The following SCUBE1 variants were observed in gnomAD, a reference collection of about 807,000 sequenced individuals.
The protein encoded by SCUBE1 is signal peptide, CUB domain and EGF like domain containing 1, also known as signal peptide, CUB and EGF-like domain-containing protein 1.
Under a neutral mutation model 124.4 loss-of-function variants are expected in SCUBE1, and 59 were observed. The observed-to-expected ratio is 0.47, with a 90% CI of 0.38 to 0.59. The LOEUF (loss-of-function observed/expected upper bound fraction) is 0.59. Among genes scored for constraint, SCUBE1 ranks in the 20% least tolerant of loss-of-function variants. The probability of loss-of-function intolerance (pLI) is 0.00; values close to 1 mark genes in which losing one functional copy is unlikely to be tolerated. For missense variants in SCUBE1, 1,150 were observed against 1,371.2 expected, an observed-to-expected ratio of 0.84 and a Z score of 2.55; for synonymous variants, 545 against 550.9, an observed-to-expected ratio of 0.99 and a Z score of 0.15.
At chr22:43,212,208 T>TC (rs536780906) in intron 17 of SCUBE1, among the ~76,000 whole-genome samples, 355 of 152,178 alleles carry the variant, frequency 2.3e-3, no homozygotes, top group African/African-American at 8.2e-3. Flanking sequence ...GAGCTGCTGT[T>TC]CCCCCTGGAG....
intron 19 of SCUBE1, 51 bp downstream of exon 19, chr22:43,209,992 G>C (rs769215188): frequency 2.6e-6 from 4 of 1,528,254 alleles, no homozygotes; most frequent in Non-Finnish European, 3.5e-6. Context: ...AGCGAGACGG[G>C]GGTGCACACG....
chr22:43,244,614 G>T (rs919998090), intron 6 of SCUBE1, among the ~76,000 whole-genome samples: 1 of 152,206 alleles, frequency 6.6e-6, no homozygotes, highest in Non-Finnish European at 1.5e-5. Flanking sequence ...GGGCACAAGG[G>T]CGCTCTGTGG....
intron 4 of SCUBE1, among the ~76,000 whole-genome samples, chr22:43,277,823 C>T (rs971626048): frequency 2.6e-5 from 4 of 152,240 alleles, no homozygotes; most frequent in Admixed American, 6.5e-5. Context: ...TTTTAATTCT[C>T]GTAAACAATT....
intron 2 of SCUBE1, among the ~76,000 whole-genome samples, chr22:43,329,807 G>A (rs1926847083): frequency 6.6e-6 from 1 of 152,212 alleles, no homozygotes; most frequent in South Asian, 2.1e-4. Flanking sequence ...CTTTAGGGAA[G>A]GCCATCATCC....
chr22:43,220,987 T>G (rs1922066389), intron 13 of SCUBE1, among the ~76,000 whole-genome samples, 186 bp downstream of exon 13: 1 of 152,136 alleles, frequency 6.6e-6, no homozygotes, highest in Non-Finnish European at 1.5e-5. Context: ...CGTACCAAGC[T>G]TGCCCTCCGC....
chr22:43,218,197 G>A lies in SCUBE1; in HGVS notation c.1891+58C>T, dbSNP rs56210050. On this transcript the variant is annotated intron_variant, in intron 15 of 21. Transcript: ENST00000360835. ...CTGCGTGCCCACCACTGTTTACCCC[G>A]GCTCATGTGCAAGGAAGGACAGAGT... The A allele has an allele frequency of 4.4e-5, 68 of 1,554,098 alleles. No homozygotes were observed. In the Middle Eastern group the frequency reaches 8.1e-4, roughly 19 times the overall value.
At chr22:43,212,721 GT>G in intron 16 of SCUBE1, 129 bp from the exon 17 acceptor site, 1 of 926,526 alleles carries the variant, frequency 1.1e-6, no homozygotes. Context: ...GAGGCCTGGG[GT>G]GGGGACGGGG....
At chr22:43,290,887 T>C (rs544671983) in intron 4 of SCUBE1, among the ~76,000 whole-genome samples, 159 bp downstream of exon 4, 17 of 152,194 alleles carry the variant, frequency 1.1e-4, no homozygotes, top group Non-Finnish European at 2.5e-4. Context: ...AGGAGGCCCA[T>C]GCAGAACCAA....
chr22:43,221,774 T>C (rs1922100624), intron 12 of SCUBE1, among the ~76,000 whole-genome samples: 1 of 152,054 alleles, frequency 6.6e-6, no homozygotes, highest in Admixed American at 6.6e-5. Context: ...ATTAAATATA[T>C]AGAAATGGGC....
chr22:43,290,255 G>A (rs917733270), intron 4 of SCUBE1, among the ~76,000 whole-genome samples: 7 of 152,072 alleles, frequency 4.6e-5, no homozygotes, highest in Non-Finnish European at 1.0e-4. Flanking sequence ...CCAAGCACAT[G>A]TGTCCTGGCC....
chr22:43,232,749 T>C (rs766460033), intron 7 of SCUBE1, among the ~76,000 whole-genome samples: 9 of 152,244 alleles, frequency 5.9e-5, no homozygotes, highest in Non-Finnish European at 1.0e-4. Flanking sequence ...CCTCCCAGCA[T>C]GGCCTGCTGG....
chr22:43,322,999 T>C (rs933342064), intron 2 of SCUBE1, among the ~76,000 whole-genome samples: 1 of 152,190 alleles, frequency 6.6e-6, no homozygotes, highest in Non-Finnish European at 1.5e-5. Flanking sequence ...CAGGGTCACA[T>C]AGTAAGTGGT....
At chr22:43,307,500 C>A (rs910206982) in intron 3 of SCUBE1, among the ~76,000 whole-genome samples, 1 of 152,182 alleles carries the variant, frequency 6.6e-6, no homozygotes, top group Non-Finnish European at 1.5e-5. Flanking sequence ...AAGGAGGACA[C>A]GGAAAAGAGC....
At chr22:43,317,202 A>G (rs1405652995) in intron 3 of SCUBE1, 1 of 152,300 alleles carries the variant, frequency 6.6e-6, no homozygotes, top group African/African-American at 2.4e-5. Flanking sequence ...AAAGCAAACA[A>G]TCTAAATGTC....
At chr22:43,281,888 G>A (rs114484734) in intron 4 of SCUBE1, 1,810 of 152,668 alleles carry the variant, frequency 0.012, 38 homozygotes, top group African/African-American at 0.041. Flanking sequence ...TCTGAGTTCC[G>A]CCAGCTTTGG....
At chr22:43,278,448 A>G (rs1924623498) in intron 4 of SCUBE1, among the ~76,000 whole-genome samples, 1 of 152,110 alleles carries the variant, frequency 6.6e-6, no homozygotes, top group Admixed American at 6.5e-5. Flanking sequence ...CACAGTTGAT[A>G]ATGGAAAGCC....
intron 4 of SCUBE1, 60 bp downstream of exon 4, chr22:43,290,986 G>A (rs1427821661): frequency 2.0e-6 from 3 of 1,493,402 alleles, no homozygotes; most frequent in African/African-American, 1.4e-5. Context: ...TGGAGAAGGG[G>A]ACTCTGGGGG....
Position 43,210,063 on chromosome 22 carries a change from A to C in SCUBE1, c.2561T>G (p.Val854Gly). ...CATACCACTCTTCCTCATGACCAGAACATCGCCGCACTCATCCTCGATGGG... is the reference window on the plus strand; with the variant it reads ...CATACCACTCTTCCTCATGACCAGACCATCGCCGCACTCATCCTCGATGGG... ...FLPIEDECGD[V>G]LVMRKSASPT... The change falls in exon 19 of 22, where the codon GTT becomes GGT. Residue 854 changes from valine to glycine, a missense_variant. By Grantham distance (109) the Val-to-Gly change is moderately radical. This residue lies in a region of SCUBE1 where 757 missense variants were observed against 840.9 expected (regional missense o/e 0.90). Coordinates refer to ENST00000360835, the MANE Select transcript of SCUBE1 (RefSeq NM_173050.5). This position sits in a 1 kb window ranked among gnomAD's most constrained non-coding sequence, Gnocchi z 4.5. 1 of 1,609,806 alleles carries C rather than the reference A, an allele frequency of 6.2e-7. No homozygotes were observed. The highest frequency in any genetic ancestry group is 8.5e-7 in the Non-Finnish European group (1 of 1,178,072).
rs763504184 is a variant in SCUBE1 at position 43,258,223 on chromosome 22, G to A, written c.723C>T (p.Cys241=). 1 of 1,610,634 alleles carries A rather than the reference G, an allele frequency of 6.2e-7. No individual in the cohort carries two copies. ...KYALHSDGRT[C]IETCAVNNGG... is the part of the protein sequence containing the mutation. Reference sequence around the variant, plus strand: ...GTGGCAGAGGTGCCTACTTACCGATGCACGTGCGACCGTCTGAGTGGAGGG... The same window carrying A: ...GTGGCAGAGGTGCCTACTTACCGATACACGTGCGACCGTCTGAGTGGAGGG... The change falls in exon 6 of 22, where the codon TGC becomes TGT. Residue 241 remains cysteine (C), a synonymous_variant. Coordinates refer to ENST00000360835, the MANE Select transcript of SCUBE1 (RefSeq NM_173050.5). The surrounding 1 kb of genome is among the most constrained non-coding windows in gnomAD (Gnocchi z 5.0).
Sources: allele counts gnomAD v4.1 joint callset (sites outside exome capture counted in the v4.1 genomes callset), GRCh38; gene constraint gnomAD v4.1.1; regional missense constraint gnomAD v4.1.1; non-coding constraint Gnocchi (gnomAD v3.1); transcripts MANE v1.5; gene names NCBI Gene and HGNC (gene_info 2026-07-23, HGNC 2026-07-21).